The following ANKHD1 variants were observed in gnomAD, a reference collection of about 807,000 sequenced individuals.
ANKHD1 encodes ankyrin repeat and KH domain containing 1, also known as ankyrin repeat and KH domain-containing protein 1.
Under a neutral mutation model 230.5 loss-of-function variants are expected in ANKHD1, and 31 were observed. The observed-to-expected ratio is 0.13, with a 90% CI of 0.10 to 0.18. The LOEUF (loss-of-function observed/expected upper bound fraction) is 0.18. Among genes scored for constraint, ANKHD1 ranks in the 10% least tolerant of loss-of-function variants. The pLI, the probability that ANKHD1 is intolerant of heterozygous loss-of-function variation, is 1.00. For synonymous variants in ANKHD1, 1,074 were observed against 1,117.6 expected (o/e 0.96, Z 0.78); for missense variants, 2,256 against 3,071.3 (o/e 0.73, Z 6.27).
intron 20 of ANKHD1, among the ~76,000 whole-genome samples, chr5:140,508,645 A>G (rs1374859386): frequency 6.6e-6 from 1 of 151,994 alleles, no homozygotes; most frequent in Non-Finnish European, 1.5e-5. Context: ...AATCCCAGCT[A>G]CTCAGGAGGC....
At chr5:140,432,045 A>C (rs1309206345) in intron 1 of ANKHD1, among the ~76,000 whole-genome samples, 2 of 152,202 alleles carry the variant, frequency 1.3e-5, no homozygotes, top group Non-Finnish European at 2.9e-5. Context: ...TTTCTAGCCT[A>C]ATGCCATAGT....
At chr5:140,534,897 A>G (rs1277724554) in intron 29 of ANKHD1, among the ~76,000 whole-genome samples, 1 of 152,236 alleles carries the variant, frequency 6.6e-6, no homozygotes, top group Admixed American at 6.5e-5. Context: ...CCTCTTTGTG[A>G]GGAAGGAAAC....
rs575333862 is a variant in ANKHD1 at position 140,408,823 on chromosome 5, A to G, written c.306+6550A>G. Among the ~76,000 whole-genome samples, 9 of 152,234 alleles carry G rather than the reference A, an allele frequency of 5.9e-5. No homozygotes were observed. The East Asian group carries it at 9.7e-4, about 16-fold the overall frequency. Reference sequence around the variant, plus strand: ...GGTCTCCCACTCCTGGGCTCAAGCAATCCTTCTGCTTCAGCCTCCCAAGTA... The same window carrying G: ...GGTCTCCCACTCCTGGGCTCAAGCAGTCCTTCTGCTTCAGCCTCCCAAGTA... On this transcript the variant is annotated intron_variant, in intron 1 of 33. Coordinates refer to ENST00000360839, the MANE Select transcript of ANKHD1 (RefSeq NM_017747.3).
intron 5 of ANKHD1, among the ~76,000 whole-genome samples, chr5:140,442,759 C>G (rs1255466596): frequency 1.3e-5 from 2 of 152,136 alleles, no homozygotes; most frequent in Admixed American, 6.6e-5. Flanking sequence ...AGATTACTCT[C>G]CCATAAACTC....
Position 140,401,834 on chromosome 5 carries a change from G to C in ANKHD1, c.-134G>C, listed in dbSNP as rs925142927. On this transcript the variant is annotated 5_prime_UTR_variant, in exon 1 of 34. Coordinates refer to ENST00000360839, the MANE Select transcript of ANKHD1 (RefSeq NM_017747.3). ...GGGGCGGGAGGCAGCAGGTTAGGCAGTGAGAAGTTAGTGGCGCTGCTGGGA... is the reference window on the plus strand; with the variant it reads ...GGGGCGGGAGGCAGCAGGTTAGGCACTGAGAAGTTAGTGGCGCTGCTGGGA... The C allele has an allele frequency of 7.2e-7, 1 of 1,387,284 alleles. No homozygotes were observed. The highest frequency in any genetic ancestry group is 9.3e-7 in the Non-Finnish European group (1 of 1,073,724). 85.9% of individuals were successfully genotyped at this position (1,387,284 alleles called of 1,614,324 possible). A position where few individuals can be genotyped will look rare whatever the true frequency, so the allele number is the denominator to read the frequency against.
At chr5:140,410,179 G>A (rs1344999761) in intron 1 of ANKHD1, among the ~76,000 whole-genome samples, 1 of 152,030 alleles carries the variant, frequency 6.6e-6, no homozygotes, top group Non-Finnish European at 1.5e-5. Flanking sequence ...GTATTATATA[G>A]CCTTTCAGAA....
intron 2 of ANKHD1, among the ~76,000 whole-genome samples, chr5:140,436,520 C>T (rs988707416): frequency 1.3e-5 from 2 of 152,012 alleles, no homozygotes; most frequent in African/African-American, 2.4e-5. Context: ...CTGAGGCAGG[C>T]GGATTGCCTG....
chr5:140,505,690 T>A (rs763486059), intron 17 of ANKHD1, 34 bp from the exon 18 acceptor site: 3 of 1,567,494 alleles, frequency 1.9e-6, no homozygotes, highest in Non-Finnish European at 8.6e-7. Context: ...ATAAAAAACA[T>A]AAATTTGTTT....
At chr5:140,425,610 A>G (rs963119951) in intron 1 of ANKHD1, among the ~76,000 whole-genome samples, 17 of 152,032 alleles carry the variant, frequency 1.1e-4, no homozygotes, top group African/African-American at 3.9e-4. Flanking sequence ...CTGGGGGGGA[A>G]TAAAGTTTTC....
intron 24 of ANKHD1, among the ~76,000 whole-genome samples, chr5:140,523,565 C>CTT (rs58102859): frequency 8.0e-5 from 11 of 138,238 alleles, no homozygotes; most frequent in African/African-American, 1.6e-4. Flanking sequence ...TGACTGTTTA[C>CTT]TTTTTTTTTT....
chr5:140,527,091 C>A lies in ANKHD1; in HGVS notation c.5087+17C>A. The A allele has an allele frequency of 6.3e-7, 1 of 1,599,334 alleles. No homozygotes were observed. The highest frequency in any genetic ancestry group is 1.1e-5 in the South Asian group (1 of 88,104). ...TGTACGAAGGTAAATAGAATTAGTT[C>A]CATCTTTTTAGCTTTCATATATTTT... On this transcript the variant is annotated intron_variant, in intron 27 of 33. Transcript: ENST00000360839. This position sits in a 1 kb window ranked among gnomAD's most constrained non-coding sequence, Gnocchi z 4.5.
chr5:140,519,374 A>G (rs947261334), intron 24 of ANKHD1, among the ~76,000 whole-genome samples: 2 of 152,216 alleles, frequency 1.3e-5, no homozygotes, highest in Non-Finnish European at 2.9e-5. Flanking sequence ...TACCGATTCA[A>G]TGCCATCCCC....
intron 1 of ANKHD1, among the ~76,000 whole-genome samples, chr5:140,402,793 G>C (rs1770074108): frequency 6.6e-6 from 1 of 152,108 alleles, no homozygotes; most frequent in East Asian, 1.9e-4. Flanking sequence ...GAGTATTAGG[G>C]ATCTCTCGGC....
intron 5 of ANKHD1, among the ~76,000 whole-genome samples, chr5:140,445,292 C>CGTCA (rs1554086710): frequency 1.3e-5 from 2 of 151,904 alleles, no homozygotes; most frequent in Non-Finnish European, 2.9e-5. Flanking sequence ...GATTACCTGA[C>CGTCA]GTCAGGAGTT....
chr5:140,527,787 A>T lies in ANKHD1; in HGVS notation c.5088-86A>T. ...CATTTAAGAAATGTTATTCTCCAAA[A>T]TGTCCATGAACATACTTACTAAGAC... is the stretch of plus-strand genomic sequence containing the variant. On this transcript the variant is annotated intron_variant, in intron 27 of 33. Coordinates refer to ENST00000360839, the MANE Select transcript of ANKHD1 (RefSeq NM_017747.3). This position sits in a 1 kb window ranked among gnomAD's most constrained non-coding sequence, Gnocchi z 4.5. 1.5e-6 allele frequency: 2 copies of T among 1,366,452 alleles called. No homozygotes were observed. The highest frequency in any genetic ancestry group is 4.1e-5 in the South Asian group (2 of 49,296). 84.6% of individuals were successfully genotyped at this position (1,366,452 alleles called of 1,614,324 possible).
chr5:140,510,855 G>T (rs1752736145), intron 22 of ANKHD1, among the ~76,000 whole-genome samples: 1 of 151,054 alleles, frequency 6.6e-6, no homozygotes, highest in South Asian at 2.1e-4. Flanking sequence ...AACGGTCTCA[G>T]TCTGTCAACC....
chr5:140,465,490 C>CT (rs1212729835), intron 10 of ANKHD1, among the ~76,000 whole-genome samples: 2 of 152,116 alleles, frequency 1.3e-5, no homozygotes, highest in Non-Finnish European at 2.9e-5. Flanking sequence ...TGTGAGAGTG[C>CT]TTTAAACTGC....
chr5:140,459,080 G>C, intron 8 of ANKHD1, 84 bp from the exon 9 acceptor site: 2 of 1,248,768 alleles, frequency 1.6e-6, no homozygotes, highest in Non-Finnish European at 2.0e-6. Flanking sequence ...AGAGAAGACA[G>C]AGATGATTAT....
At chr5:140,482,478 G>C (rs1318601442) in intron 10 of ANKHD1, 102 bp from the exon 11 acceptor site, 6 of 1,298,472 alleles carry the variant, frequency 4.6e-6, no homozygotes, top group Non-Finnish European at 6.3e-6. Flanking sequence ...CAATGAGTAA[G>C]TATATTAAAT....
Sources: allele counts gnomAD v4.1 joint callset (sites outside exome capture counted in the v4.1 genomes callset), GRCh38; gene constraint gnomAD v4.1.1; non-coding constraint Gnocchi (gnomAD v3.1); transcripts MANE v1.5; gene names NCBI Gene and HGNC (gene_info 2026-07-23, HGNC 2026-07-21).